Variants in PAK3 observed in about 807,000 individuals in gnomAD.
PAK3 encodes p21 (RAC1) activated kinase 3, also known as serine/threonine-protein kinase PAK 3.
Under a neutral mutation model 41.0 loss-of-function variants are expected in PAK3, and 4 were observed. The ratio of observed to expected loss-of-function variants is 0.10; its 90% CI spans 0.05 to 0.22. The LOEUF (loss-of-function observed/expected upper bound fraction) is 0.22, where lower values mean the gene tolerates loss of function less well. PAK3 is among the 10% of genes least tolerant of loss of function. The pLI is 1.00. For missense variants in PAK3, 205 were observed against 409.9 expected (o/e 0.50, Z 4.32); for synonymous variants, 146 against 139.6 (o/e 1.05, Z -0.32).
chrX:111,123,882 T>A (rs1439808875), intron 5 of PAK3, among the ~76,000 whole-genome samples: 1 of 111,803 alleles, frequency 8.9e-6, no homozygotes, highest in African/African-American at 3.3e-5. Context: ...GTAATACCAT[T>A]TGGTGCTTAA....
intron 1 of PAK3, among the ~76,000 whole-genome samples, chrX:111,058,688 GT>G (rs2092626673): frequency 1.8e-5 from 2 of 111,348 alleles, no homozygotes; most frequent in African/African-American, 3.3e-5. Flanking sequence ...AACTTATTGA[GT>G]TTTTTTCTTT....
intron 5 of PAK3, among the ~76,000 whole-genome samples, chrX:111,133,814 A>G (rs1198920275): frequency 8.9e-6 from 1 of 112,212 alleles, no homozygotes; most frequent in Non-Finnish European, 1.9e-5. Context: ...TAAAATTATG[A>G]CATGTACCAT....
intron 1 of PAK3, among the ~76,000 whole-genome samples, chrX:111,060,964 T>C (rs909193195): frequency 1.8e-5 from 2 of 111,828 alleles, no homozygotes; most frequent in African/African-American, 6.5e-5. Flanking sequence ...AGTGGTAAAA[T>C]TGAATAGATT....
At chrX:111,181,610 A>G (rs142923916) in intron 11 of PAK3, among the ~76,000 whole-genome samples, 2 of 111,817 alleles carry the variant, frequency 1.8e-5, no homozygotes, top group African/African-American at 6.5e-5. Flanking sequence ...TGAAAGTCTC[A>G]TATTGAAGAT....
At chrX:111,082,125 TC>T (rs2092839737) in intron 1 of PAK3, among the ~76,000 whole-genome samples, 1 of 112,025 alleles carries the variant, frequency 8.9e-6, no homozygotes. Flanking sequence ...GCTGTCGTGG[TC>T]CCCTCTGGAT....
chrX:111,076,047 T>G (rs2092782296), intron 1 of PAK3, among the ~76,000 whole-genome samples: 1 of 112,533 alleles, frequency 8.9e-6, no homozygotes, highest in Non-Finnish European at 1.9e-5. Flanking sequence ...ATACCGCCAT[T>G]GTACCTTGGG....
At chrX:111,105,680 A>G (rs1444323870) in intron 4 of PAK3, among the ~76,000 whole-genome samples, 2 of 111,982 alleles carry the variant, frequency 1.8e-5, no homozygotes, top group Middle Eastern at 8.5e-3. Flanking sequence ...ACATTCACAC[A>G]TAATCACATT....
chrX:110,947,179 C>T (rs2090635761), intron 1 of PAK3, among the ~76,000 whole-genome samples: 1 of 111,703 alleles, frequency 9.0e-6, no homozygotes, highest in African/African-American at 3.3e-5. Flanking sequence ...TGGAGCACCT[C>T]TCCCCTTAAA....
rs1382777300 is a variant in PAK3 at position 111,216,576 on chromosome X, C to A, written c.1545+18C>A. On this transcript the variant is annotated intron_variant, in intron 17 of 17. Transcript: ENST00000372007. ...TTTTGCAGGTGAAAATAAAATAGGA[C>A]AATTACAAAGAGAGGCATTATACTC... 3.4e-6 allele frequency: 4 copies of A among 1,164,014 alleles called. No individual in the cohort carries two copies. The highest frequency in any genetic ancestry group is 4.7e-6 in the Non-Finnish European group (4 of 852,507).
At chrX:111,006,812 C>CCTTT (rs1275739344) in intron 1 of PAK3, among the ~76,000 whole-genome samples, 1,391 of 54,952 alleles carry the variant, frequency 0.025, 50 homozygotes, top group Middle Eastern at 0.032. Context: ...TCTGCATTTC[C>CCTTT]CTTTCTTTCT....
At position 111,111,770 on chromosome X, in the gene PAK3, G is replaced by A. The variant is rs909400114; in HGVS notation, c.-28+8464G>A. Among the ~76,000 whole-genome samples the A allele has an allele frequency of 2.0e-4, 22 of 111,685 alleles. No homozygotes were observed. The Admixed American group carries it at 2.0e-3, about 10-fold the overall frequency. On this transcript the variant is annotated intron_variant, in intron 4 of 17. Transcript: ENST00000372007. ...AACTAAAGCTTGCAAAAACCATTAG[G>A]CCATTAGGCCTCCCATACTCCTCTG... is the stretch of plus-strand genomic sequence containing the variant.
chrX:111,109,390 G>C (rs746907440), intron 4 of PAK3, among the ~76,000 whole-genome samples: 7 of 111,701 alleles, frequency 6.3e-5, no homozygotes, highest in Non-Finnish European at 1.1e-4. Flanking sequence ...AGGACTTGTT[G>C]CCTGTTTTCC....
rs193112943 is a variant in PAK3, at chrX:110,967,453, T to C, written c.-28+22825T>C. Among the ~76,000 whole-genome samples the C allele has an allele frequency of 1.5e-3, 169 of 111,107 alleles. 1 individual carries two copies. The highest frequency in any genetic ancestry group is 5.4e-3 in the African/African-American group (164 of 30,572). On this transcript the variant is annotated intron_variant, in intron 1 of 14. Coordinates refer to the PAK3 transcript ENST00000425146. ...CTAGGGGCCACAAACTCAAATGCCT[T>C]TGGGGACCAGACTGGTAGCTTAATG... is the stretch of plus-strand genomic sequence containing the variant.
upstream of PAK3, among the ~76,000 whole-genome samples, chrX:111,094,978 C>T (rs1158405183): frequency 1.8e-5 from 2 of 111,074 alleles, no homozygotes. Context: ...TGTGAGCCAC[C>T]GCGTGTGGTC....
intron 1 of PAK3, among the ~76,000 whole-genome samples, chrX:111,066,054 G>A (rs2092699446): frequency 8.9e-6 from 1 of 111,753 alleles, no homozygotes; most frequent in African/African-American, 3.2e-5. Flanking sequence ...ATTTCATTCA[G>A]CTCTGCTCTG....
Position 110,971,479 on chromosome X carries a change from C to T in PAK3, c.-28+26851C>T, listed in dbSNP as rs1461311570. ...TATGCACATACCATAATTTGTTTAT[C>T]CATTCATCAGTTGAATATTTAGGTT... On this transcript the variant is annotated intron_variant, in intron 1 of 14. Transcript: ENST00000425146. Among the ~76,000 whole-genome samples the T allele has an allele frequency of 4.5e-5, 5 of 112,046 alleles. No homozygotes were observed. The Admixed American group carries it at 4.7e-4, about 11-fold the overall frequency.
At chrX:111,092,212 C>G (rs578034226), upstream of PAK3, among the ~76,000 whole-genome samples, 2 of 111,646 alleles carry the variant, frequency 1.8e-5, no homozygotes, top group East Asian at 5.6e-4. Flanking sequence ...TTTCCTATTT[C>G]CCCTTTTAAT....
chrX:111,112,919 A>G (rs971951696), intron 4 of PAK3, among the ~76,000 whole-genome samples: 1 of 111,876 alleles, frequency 8.9e-6, no homozygotes, highest in African/African-American at 3.2e-5. Flanking sequence ...ATATATGGAT[A>G]CAGTTCTAAA....
rs777018506 is a variant in PAK3 at position 111,075,926 on chromosome X, A to G, written c.-27-47151A>G. ...ATGGAGTCAAGGGAGAATATTTTGG[A>G]GCTTTAAGATTTAGTGACTACCCTT... On this transcript the variant is annotated intron_variant, in intron 1 of 14. Coordinates refer to the PAK3 transcript ENST00000425146. Among the ~76,000 whole-genome samples the G allele has an allele frequency of 3.5e-5, 4 of 112,734 alleles. No individual in the cohort carries two copies. In the South Asian group the frequency reaches 1.5e-3, roughly 41 times the overall value.
Sources: gnomAD v4.1 joint callset for allele counts (sites outside exome capture counted in the v4.1 genomes callset) on GRCh38, gnomAD v4.1.1 for gene constraint, MANE v1.5 for transcripts, NCBI Gene and HGNC (gene_info 2026-07-23, HGNC 2026-07-21) for gene names.